DOCK4: variants seen among roughly 807,000 people sequenced by gnomAD.
DOCK4 encodes the protein dedicator of cytokinesis protein 4.
A neutral mutation model predicts 268.1 loss-of-function variants in DOCK4; 97 were observed. The observed-to-expected ratio is 0.36, with a 90% CI of 0.31 to 0.43. The LOEUF (loss-of-function observed/expected upper bound fraction) is 0.43, where lower values mean the gene tolerates loss of function less well. Ranked by LOEUF, DOCK4 falls within the 20% of genes least tolerant of loss-of-function variation. The pLI, the probability that DOCK4 is intolerant of heterozygous loss-of-function variation, is 1.00. For synonymous variants in DOCK4, 954 were observed against 887.2 expected, an observed-to-expected ratio of 1.08 and a Z score of -1.34; for missense variants, 2,145 against 2,455.7, an observed-to-expected ratio of 0.87 and a Z score of 2.67.
chr7:111,857,634 A>G (rs996993667), intron 23 of DOCK4, among the ~76,000 whole-genome samples: 1 of 152,218 alleles, frequency 6.6e-6, no homozygotes, highest in Non-Finnish European at 1.5e-5. Context: ...TAAACAAATC[A>G]TCAAGTACCA....
chr7:111,934,155 T>G (rs1351731161), intron 12 of DOCK4, among the ~76,000 whole-genome samples: 1 of 152,234 alleles, frequency 6.6e-6, no homozygotes, highest in African/African-American at 2.4e-5. Context: ...TTAAAGCACA[T>G]GACTGCATAC....
At chr7:112,055,732 A>C (rs1427640553) in intron 1 of DOCK4, among the ~76,000 whole-genome samples, 1 of 151,962 alleles carries the variant, frequency 6.6e-6, no homozygotes, top group South Asian at 2.1e-4. Context: ...ATGTGGTGAA[A>C]CCCCGTCTCT....
At chr7:112,068,173 T>G (rs1807257702) in intron 1 of DOCK4, among the ~76,000 whole-genome samples, 1 of 152,184 alleles carries the variant, frequency 6.6e-6, no homozygotes, top group South Asian at 2.1e-4. Flanking sequence ...ACTATTGTAC[T>G]CATAATCTAG....
chr7:111,804,762 G>A (rs531964801), intron 30 of DOCK4, among the ~76,000 whole-genome samples: 2 of 152,018 alleles, frequency 1.3e-5, no homozygotes, highest in South Asian at 2.1e-4. Flanking sequence ...ACCACACCCA[G>A]CTAATTTTTA....
chr7:112,135,242 A>AT (rs1249887177), intron 1 of DOCK4, among the ~76,000 whole-genome samples: 3 of 152,158 alleles, frequency 2.0e-5, no homozygotes, highest in Non-Finnish European at 4.4e-5. Flanking sequence ...TATAGATTGA[A>AT]TTTTAAGTCA....
rs369487227 is a variant in DOCK4, at chr7:111,900,437, G to A, written c.1417C>T (p.Leu473Phe). The A allele has an allele frequency of 1.2e-6, 2 of 1,613,504 alleles. No individual in the cohort carries two copies. The highest frequency in any genetic ancestry group is 1.7e-6 in the Non-Finnish European group (2 of 1,179,728). The part of the protein sequence containing the change: ...NSPRWSELLK[L>F]PIPVDKFRGA... ...CGGAATTTATCCACAGGAATGGGAA[G>A]TTTCAGCAGTTCAGACCACCTGGGA... Residue 473 changes from leucine to phenylalanine, a missense_variant, in exon 15 of 53, where the codon CTT (leucine) becomes TTT (phenylalanine). Physicochemically the swap from Leu to Phe is conservative, Grantham distance 22. Coordinates refer to ENST00000428084, the MANE Select transcript of DOCK4 (RefSeq NM_001363540.2).
chr7:112,159,833 T>C (rs1411734888), intron 1 of DOCK4, among the ~76,000 whole-genome samples: 1 of 148,304 alleles, frequency 6.7e-6, no homozygotes, highest in Non-Finnish European at 1.5e-5. Context: ...ATATTATGTA[T>C]ATATATACAT....
At chr7:111,864,442 G>A (rs553479408) in intron 22 of DOCK4, among the ~76,000 whole-genome samples, 8 of 152,294 alleles carry the variant, frequency 5.3e-5, no homozygotes, top group African/African-American at 1.4e-4. Context: ...AAGGAGGCAC[G>A]AGTTTCTAAC....
At chr7:111,906,654 G>C (rs1232756160) in intron 13 of DOCK4, among the ~76,000 whole-genome samples, 1 of 152,114 alleles carries the variant, frequency 6.6e-6, no homozygotes, top group African/African-American at 2.4e-5. Context: ...TAATGATCTT[G>C]AGATAGGGAG....
intron 1 of DOCK4, among the ~76,000 whole-genome samples, chr7:112,120,741 C>T (rs2115889422): frequency 6.6e-6 from 1 of 152,328 alleles, no homozygotes; most frequent in Non-Finnish European, 1.5e-5. Context: ...ATCTTTCCTT[C>T]CAGGCTCATA....
intron 6 of DOCK4, among the ~76,000 whole-genome samples, chr7:111,985,179 C>T (rs1246720727): frequency 6.6e-6 from 1 of 152,142 alleles, no homozygotes; most frequent in Non-Finnish European, 1.5e-5. Flanking sequence ...TGATCCCCTC[C>T]AGGGCACCCA....
chr7:112,108,895 C>T (rs2115637383), intron 1 of DOCK4, among the ~76,000 whole-genome samples: 1 of 152,114 alleles, frequency 6.6e-6, no homozygotes, highest in East Asian at 1.9e-4. Flanking sequence ...TTGGCGAGAC[C>T]CCTTATTTCT....
At chr7:112,181,141 AAG>A (rs1237176632) in intron 1 of DOCK4, among the ~76,000 whole-genome samples, 2 of 152,208 alleles carry the variant, frequency 1.3e-5, no homozygotes, top group Non-Finnish European at 2.9e-5. Context: ...GTTGGCAAGA[AAG>A]AGTAAACAAG....
intron 1 of DOCK4, among the ~76,000 whole-genome samples, chr7:112,039,057 G>C (rs971453591): frequency 2.0e-5 from 3 of 152,116 alleles, no homozygotes; most frequent in Non-Finnish European, 2.9e-5. Flanking sequence ...GACTTAGATG[G>C]AGGAGGCAGA....
chr7:111,997,848 T>C (rs1800092870), intron 4 of DOCK4, among the ~76,000 whole-genome samples: 2 of 152,168 alleles, frequency 1.3e-5, no homozygotes, highest in Admixed American at 1.3e-4. Flanking sequence ...TATCCTGCTG[T>C]ACCTTATTGG....
chr7:112,081,967 A>T (rs1024766601), intron 1 of DOCK4, among the ~76,000 whole-genome samples: 2 of 152,098 alleles, frequency 1.3e-5, no homozygotes, highest in African/African-American at 4.8e-5. Context: ...CTCTGTGACA[A>T]ATTGGGCAAG....
At chr7:111,910,036 C>T (rs933514277) in intron 13 of DOCK4, among the ~76,000 whole-genome samples, 2 of 150,700 alleles carry the variant, frequency 1.3e-5, no homozygotes, top group African/African-American at 4.9e-5. Context: ...AGTGAATGCA[C>T]TGAAATGTAT....
chr7:111,982,163 A>G (rs114979282), intron 7 of DOCK4, among the ~76,000 whole-genome samples: 107 of 152,282 alleles, frequency 7.0e-4, no homozygotes, highest in African/African-American at 2.5e-3. Context: ...CTGGAATGCA[A>G]ATATGATGGC....
chr7:111,907,204 C>T (rs1791655934), intron 13 of DOCK4, among the ~76,000 whole-genome samples: 1 of 152,102 alleles, frequency 6.6e-6, no homozygotes, highest in Non-Finnish European at 1.5e-5. Flanking sequence ...TCTCTATTTT[C>T]TATCTATCAT....
Sources: gnomAD v4.1 joint callset for allele counts (sites outside exome capture counted in the v4.1 genomes callset) on GRCh38, gnomAD v4.1.1 for gene constraint, MANE v1.5 for transcripts, NCBI Gene and HGNC (gene_info 2026-07-23, HGNC 2026-07-21) for gene names.